CEP89: variants seen among roughly 807,000 people sequenced by gnomAD.
CEP89 encodes centrosomal protein 89, also known as centrosomal protein of 89 kDa.
Under a neutral mutation model 97.6 loss-of-function variants are expected in CEP89, and 95 were observed. The ratio of observed to expected loss-of-function variants is 0.97; its 90% CI spans 0.82 to 1.15. CEP89 has a LOEUF of 1.15. CEP89 is among the 50% of genes most tolerant of loss of function. CEP89 has a pLI of 0.00. For missense variants in CEP89, 869 were observed against 947.7 expected (o/e 0.92, Z 1.09); for synonymous variants, 354 against 349.1 (o/e 1.01, Z -0.16).
At chr19:32,930,733 G>A (rs527670098) in intron 9 of CEP89, among the ~76,000 whole-genome samples, 8 of 152,192 alleles carry the variant, frequency 5.3e-5, no homozygotes, top group Non-Finnish European at 1.0e-4. Context: ...GACCTGCTCA[G>A]TGAGAGTGTG....
At chr19:32,966,031 A>AT (rs1425307774) in intron 2 of CEP89, 1 of 195,480 alleles carries the variant, frequency 5.1e-6, no homozygotes, top group Non-Finnish European at 1.0e-5. Flanking sequence ...GGAAAAAAAA[A>AT]AGAAAGAAAA....
chr19:32,925,698 G>A (rs1490384101), intron 11 of CEP89, among the ~76,000 whole-genome samples: 1 of 152,004 alleles, frequency 6.6e-6, no homozygotes, highest in Non-Finnish European at 1.5e-5. Context: ...ATGTTGACCA[G>A]GCTGGTCTTG....
chr19:32,937,699 A>T lies in CEP89; in HGVS notation c.625-26T>A, dbSNP rs772939325. 2.5e-6 allele frequency: 4 copies of T among 1,569,602 alleles called. No individual in the cohort carries two copies. The East Asian group carries it at 9.0e-5, about 35-fold the overall frequency. On this transcript the variant is annotated intron_variant, in intron 6 of 18. Transcript: ENST00000305768. ...CTAGGAAAGAAAGAACATAAGAGGA[A>T]TAAGTGCAGAGCATTAGTGTTTTAT...
At chr19:32,960,945 A>AG (rs1568583136) in intron 2 of CEP89, among the ~76,000 whole-genome samples, 1 of 152,178 alleles carries the variant, frequency 6.6e-6, no homozygotes, top group Non-Finnish European at 1.5e-5. Context: ...TGGAGCTGAG[A>AG]GAATGTGTAG....
chr19:32,932,182 C>CAA (rs772866337), intron 8 of CEP89, among the ~76,000 whole-genome samples: 104 of 112,770 alleles, frequency 9.2e-4, no homozygotes, highest in Middle Eastern at 4.6e-3. Flanking sequence ...CTCCATCTCA[C>CAA]AAAAAAAAAA....
chr19:32,926,936 A>C lies in CEP89; in HGVS notation c.1078T>G (p.Leu360Val). Reference sequence around the variant, plus strand: ...GAAATTAAATAACTTTCACTTACCAACCAGGGTGGTATAGGGCCCTTGGAT... The same window carrying C: ...GAAATTAAATAACTTTCACTTACCACCCAGGGTGGTATAGGGCCCTTGGAT... ...LPSKGPIPPW[L>V]LDIKYLSPLL... Residue 360 changes from leucine to valine, a missense_variant and splice_region_variant, in exon 10 of 19, where the codon TTG becomes GTG. Leu to Val is a conservative substitution (Grantham distance 32, BLOSUM62 1). Coordinates refer to ENST00000305768, the MANE Select transcript of CEP89 (RefSeq NM_032816.5). 6.2e-7 allele frequency: 1 copy of C among 1,613,216 alleles called. No individual in the cohort carries two copies. The highest frequency in any genetic ancestry group is 8.5e-7 in the Non-Finnish European group (1 of 1,179,218).
chr19:32,906,909 T>C (rs1969898186), intron 14 of CEP89, among the ~76,000 whole-genome samples: 1 of 152,132 alleles, frequency 6.6e-6, no homozygotes, highest in South Asian at 2.1e-4. Context: ...TTTTAGAGCT[T>C]CTCTGTCTCA....
intron 11 of CEP89, among the ~76,000 whole-genome samples, chr19:32,924,792 G>A (rs780168363): frequency 8.2e-4 from 125 of 151,626 alleles, no homozygotes; most frequent in Non-Finnish European, 1.5e-3. Context: ...AATGGGCCTC[G>A]CCCATTATTT....
intron 12 of CEP89, among the ~76,000 whole-genome samples, chr19:32,919,931 C>T (rs1970212982): frequency 6.6e-6 from 1 of 152,200 alleles, no homozygotes. Flanking sequence ...CAGGCGTGAG[C>T]CACCATGCCC....
intron 7 of CEP89, 50 bp from the exon 8 acceptor site, chr19:32,933,719 G>A: frequency 8.4e-7 from 1 of 1,184,636 alleles, no homozygotes; most frequent in Non-Finnish European, 1.3e-6. Context: ...TGTTGACAAT[G>A]TTACATCAAA....
At chr19:32,955,335 G>C (rs1277896366) in intron 3 of CEP89, among the ~76,000 whole-genome samples, 1 of 151,970 alleles carries the variant, frequency 6.6e-6, no homozygotes, top group Non-Finnish European at 1.5e-5. Flanking sequence ...CATTTTAAAA[G>C]GTAGGAATCC....
intron 12 of CEP89, 102 bp from the exon 13 acceptor site, chr19:32,918,441 G>T: frequency 1.3e-6 from 1 of 794,456 alleles, no homozygotes; most frequent in Non-Finnish European, 2.2e-6. Context: ...TACAGGTAAT[G>T]AATATCAAGT....
intron 16 of CEP89, among the ~76,000 whole-genome samples, chr19:32,889,162 G>A (rs1386077543): frequency 1.3e-5 from 2 of 152,184 alleles, no homozygotes; most frequent in Non-Finnish European, 2.9e-5. Context: ...GAGACTGGCA[G>A]AGCAGCCACT....
chr19:32,948,942 C>T (rs567155373), intron 4 of CEP89, among the ~76,000 whole-genome samples: 48 of 152,054 alleles, frequency 3.2e-4, no homozygotes, highest in African/African-American at 7.2e-4. Flanking sequence ...TGCCCAGGTT[C>T]GTCTCAAACT....
chr19:32,883,392 G>A (rs1001646053), intron 17 of CEP89, among the ~76,000 whole-genome samples: 4 of 151,910 alleles, frequency 2.6e-5, no homozygotes, highest in Non-Finnish European at 4.4e-5. Context: ...GGTGGCTCAC[G>A]CCTGTAATCC....
At chr19:32,898,266 A>C (rs2145884139) in intron 16 of CEP89, among the ~76,000 whole-genome samples, 1 of 152,332 alleles carries the variant, frequency 6.6e-6, no homozygotes, top group Admixed American at 6.5e-5. Context: ...CGTTAAGTAA[A>C]ATAAGCCAGA....
intron 1 of CEP89, among the ~76,000 whole-genome samples, chr19:32,968,187 CCA>C (rs1212660193): frequency 2.6e-5 from 4 of 152,284 alleles, no homozygotes; most frequent in East Asian, 1.9e-4. Context: ...TCAAGTGATT[CCA>C]CAGTTTCCAT....
chr19:32,952,791 C>G (rs1236318713), intron 4 of CEP89, among the ~76,000 whole-genome samples: 1 of 149,164 alleles, frequency 6.7e-6, no homozygotes, highest in African/African-American at 2.5e-5. Flanking sequence ...GTAGTCCCAG[C>G]TACTTGGGAG....
At chr19:32,913,886 G>A (rs1037668745) in intron 14 of CEP89, among the ~76,000 whole-genome samples, 3 of 152,010 alleles carry the variant, frequency 2.0e-5, no homozygotes, top group Admixed American at 6.6e-5. Flanking sequence ...TGAACCACCC[G>A]CCTCGGCCTC....
Sources: gnomAD v4.1 joint callset for allele counts (sites outside exome capture counted in the v4.1 genomes callset) on GRCh38, gnomAD v4.1.1 for gene constraint, MANE v1.5 for transcripts, NCBI Gene and HGNC (gene_info 2026-07-23, HGNC 2026-07-21) for gene names.